Variants in TAF2 observed in about 807,000 individuals in gnomAD.
The protein encoded by TAF2 is transcription initiation factor TFIID subunit 2.
A neutral mutation model predicts 138.5 loss-of-function variants in TAF2; 61 were observed. The observed-to-expected ratio is 0.44, with a 90% CI of 0.36 to 0.54. The LOEUF (loss-of-function observed/expected upper bound fraction) is 0.54. Ranked by LOEUF, TAF2 falls within the 20% of genes least tolerant of loss-of-function variation. The pLI is 0.00. For synonymous variants in TAF2, 475 were observed against 469.9 expected (o/e 1.01, Z -0.14); for missense variants, 1,090 against 1,427.9 (o/e 0.76, Z 3.81).
intron 12 of TAF2, among the ~76,000 whole-genome samples, chr8:119,789,368 T>C (rs927471470): frequency 3.9e-5 from 6 of 152,200 alleles, no homozygotes; most frequent in Non-Finnish European, 8.8e-5. Context: ...CTTTAAAATA[T>C]GCCAAACTTT....
intron 21 of TAF2, among the ~76,000 whole-genome samples, 176 bp from the exon 22 acceptor site, chr8:119,756,291 A>G (rs1234009510): frequency 6.6e-6 from 1 of 152,138 alleles, no homozygotes; most frequent in Non-Finnish European, 1.5e-5. Flanking sequence ...ATGATGTTAT[A>G]TCCTGAATAT....
At chr8:119,774,131 A>C (rs923760923) in intron 18 of TAF2, among the ~76,000 whole-genome samples, 40 of 152,064 alleles carry the variant, frequency 2.6e-4, no homozygotes, top group African/African-American at 8.9e-4. Context: ...AGATGGCGCC[A>C]CTGCACCCTA....
chr8:119,797,800 G>A lies in TAF2; in HGVS notation c.839C>T (p.Thr280Ile). Residue 280 changes from threonine (T) to isoleucine (I), a missense_variant, in exon 7 of 26, where the codon ACC (threonine) becomes ATC (isoleucine). By Grantham distance (89) the Thr-to-Ile change is moderately conservative. Coordinates refer to ENST00000378164, the MANE Select transcript of TAF2 (RefSeq NM_003184.4). ...AAAGACTTCATGAAGGTATGATGTG[G>A]TATGTTTCAGCAATGGAAGAAGTTG... ...LPQLLPLLKH[T>I]TSYLHEVFEF... is the part of the protein sequence containing the mutation. 1.2e-6 allele frequency: 2 copies of A among 1,613,544 alleles called. No individual in the cohort carries two copies. The highest frequency in any genetic ancestry group is 1.7e-6 in the Non-Finnish European group (2 of 1,179,670).
At chr8:119,798,241 AGTTAAT>A (rs1467152589) in intron 6 of TAF2, among the ~76,000 whole-genome samples, 3 of 152,182 alleles carry the variant, frequency 2.0e-5, no homozygotes, top group Admixed American at 6.5e-5. Flanking sequence ...TCTTATCAAC[AGTTAAT>A]GTTAATCATA....
chr8:119,781,129 A>G lies in TAF2; in HGVS notation c.2177T>C (p.Met726Thr), dbSNP rs1026495699. Reference sequence around the variant, plus strand: ...GTTTGGACAACTTTTACAACAAAACATCCTAGTGAAGAGTGACTTCATGGC... The same window carrying G: ...GTTTGGACAACTTTTACAACAAAACGTCCTAGTGAAGAGTGACTTCATGGC... ...PPAMKSLFTRMFCCKSCPNIV... is the reference protein window; with the variant it reads ...PPAMKSLFTRTFCCKSCPNIV... The change falls in exon 17 of 26, where the codon ATG becomes ACG. Residue 726 changes from methionine (M) to threonine (T), a missense_variant. This residue lies in a region of TAF2 where 580 missense variants were observed against 719.6 expected (regional missense o/e 0.81). Coordinates refer to ENST00000378164, the MANE Select transcript of TAF2 (RefSeq NM_003184.4). The G allele has an allele frequency of 1.4e-5, 22 of 1,614,126 alleles. No homozygotes were observed. The highest frequency in any genetic ancestry group is 1.8e-5 in the Non-Finnish European group (21 of 1,180,022).
intron 25 of TAF2, among the ~76,000 whole-genome samples, chr8:119,735,506 A>G (rs1056379719): frequency 3.3e-5 from 5 of 152,206 alleles, no homozygotes; most frequent in African/African-American, 1.2e-4. Context: ...GCACTGCTCC[A>G]ATATTTTAGA....
chr8:119,781,244 T>G (rs1448322522), intron 16 of TAF2, 51 bp from the exon 17 acceptor site: 8 of 1,607,124 alleles, frequency 5.0e-6, no homozygotes, highest in Non-Finnish European at 6.0e-6. Context: ...GCAAACATAC[T>G]TTAAAATAAA....
chr8:119,786,646 G>A (rs1160012918), intron 14 of TAF2, among the ~76,000 whole-genome samples: 1 of 152,182 alleles, frequency 6.6e-6, no homozygotes, highest in Non-Finnish European at 1.5e-5. Flanking sequence ...CATAGGCCGG[G>A]CATGGTAGCT....
chr8:119,816,737 G>A (rs1402787395), intron 3 of TAF2, among the ~76,000 whole-genome samples: 2 of 152,000 alleles, frequency 1.3e-5, no homozygotes, highest in Non-Finnish European at 2.9e-5. Context: ...TGAATAATTG[G>A]TGTGTTTTTG....
At position 119,789,688 on chromosome 8, in the gene TAF2, T is replaced by C; in HGVS notation, c.1472A>G (p.His491Arg). 6.2e-7 allele frequency: 1 copy of C among 1,613,934 alleles called. No homozygotes were observed. Among genetic ancestry groups the C allele is most frequent in the Non-Finnish European group, 8.5e-7 (1 of 1,179,958 alleles). ...STASSQKFQS[H>R]MWSQMLVSTS... ...GGAAACCAACATCTGACTCCACATA[T>C]GTGACTGGAACTTCTGAGATGAAGC... Residue 491 changes from histidine to arginine, a missense_variant, in exon 12 of 26, where the codon CAT (histidine) becomes CGT (arginine). Coordinates refer to ENST00000378164, the MANE Select transcript of TAF2 (RefSeq NM_003184.4).
chr8:119,793,227 G>T, intron 10 of TAF2, 139 bp downstream of exon 10: 1 of 638,340 alleles, frequency 1.6e-6, no homozygotes. Flanking sequence ...TTATGAGTCT[G>T]TAAGCTTTAG....
At chr8:119,762,261 C>T (rs1821115389) in intron 19 of TAF2, among the ~76,000 whole-genome samples, 154 bp downstream of exon 19, 1 of 152,082 alleles carries the variant, frequency 6.6e-6, no homozygotes, top group African/African-American at 2.4e-5. Flanking sequence ...GGACATTCTC[C>T]AAATACTAAT....
intron 17 of TAF2, 119 bp from the exon 18 acceptor site, chr8:119,778,248 C>A: frequency 1.6e-6 from 1 of 620,446 alleles, no homozygotes; most frequent in Non-Finnish European, 2.9e-6. Context: ...CTGGATGGAG[C>A]CTAACACCTC....
At chr8:119,793,969 C>T (rs937015465) in intron 9 of TAF2, among the ~76,000 whole-genome samples, 2 of 151,852 alleles carry the variant, frequency 1.3e-5, no homozygotes, top group African/African-American at 4.8e-5. Context: ...TACTCTGTCA[C>T]CCAGGCTGGA....
chr8:119,784,891 C>A (rs1352110320), intron 15 of TAF2, among the ~76,000 whole-genome samples: 1 of 152,100 alleles, frequency 6.6e-6, no homozygotes, highest in African/African-American at 2.4e-5. Flanking sequence ...TTCACATGCA[C>A]ATTATAGTCT....
intron 22 of TAF2, among the ~76,000 whole-genome samples, chr8:119,751,300 T>C (rs1447263774): frequency 6.6e-6 from 1 of 152,206 alleles, no homozygotes; most frequent in African/African-American, 2.4e-5. Context: ...GCAACACCTG[T>C]CCCTCATTGC....
chr8:119,804,127 T>G, intron 4 of TAF2, 108 bp from the exon 5 acceptor site: 1 of 1,362,394 alleles, frequency 7.3e-7, no homozygotes, highest in South Asian at 1.2e-5. Flanking sequence ...GACTGAGATT[T>G]ATATGAAAAA....
At chr8:119,819,265 C>T (rs1586536207) in intron 3 of TAF2, 81 bp downstream of exon 3, 5 of 1,448,028 alleles carry the variant, frequency 3.5e-6, no homozygotes, top group East Asian at 2.3e-5. Context: ...AAAAAAAATA[C>T]TTTGAGAAAA....
intron 11 of TAF2, among the ~76,000 whole-genome samples, chr8:119,790,412 C>T (rs6984913): frequency 0.033 from 4,977 of 152,002 alleles, 152 homozygotes; most frequent in South Asian, 0.11. Flanking sequence ...TGCACTCCAG[C>T]CTGGGTGACA....
Sources: gnomAD v4.1 joint callset for allele counts (sites outside exome capture counted in the v4.1 genomes callset) on GRCh38, gnomAD v4.1.1 for gene constraint, gnomAD v4.1.1 regional missense constraint, MANE v1.5 for transcripts, NCBI Gene and HGNC (gene_info 2026-07-23, HGNC 2026-07-21) for gene names.